The following LCOR variants were observed in gnomAD, a reference collection of about 807,000 sequenced individuals.
The protein encoded by LCOR is ligand dependent nuclear receptor corepressor.
A neutral mutation model predicts 64.4 loss-of-function variants in LCOR; 14 were observed. The observed-to-expected ratio is 0.22, with a 90% confidence interval of 0.14 to 0.34. The LOEUF (loss-of-function observed/expected upper bound fraction) is 0.34, where lower values mean the gene tolerates loss of function less well. Among genes scored for constraint, LCOR ranks in the 10% least tolerant of loss-of-function variants. The probability of loss-of-function intolerance (pLI) is 1.00; values close to 1 mark genes in which losing one functional copy is unlikely to be tolerated. For synonymous variants in LCOR, 643 were observed against 642.5 expected, an observed-to-expected ratio of 1.00 and a Z score of -0.01; for missense variants, 1,686 against 1,765.3, an observed-to-expected ratio of 0.96 and a Z score of 0.80.
intron 2 of LCOR, among the ~76,000 whole-genome samples, chr10:96,847,262 C>A (rs1270611203): frequency 1.3e-5 from 2 of 149,578 alleles, no homozygotes; most frequent in African/African-American, 4.9e-5. Context: ...AAAAGAGAAG[C>A]TAGAATTTTC....
chr10:96,884,440 T>A (rs1339677295), intron 2 of LCOR, among the ~76,000 whole-genome samples: 1 of 152,230 alleles, frequency 6.6e-6, no homozygotes, highest in Non-Finnish European at 1.5e-5. Context: ...AGCAAGACTG[T>A]CATCCTTTCT....
chr10:96,916,599 A>C lies in LCOR; in HGVS notation c.-184+8852A>C, dbSNP rs539087991. 1.4e-3 allele frequency among the ~76,000 whole-genome samples: 214 copies of C among 148,862 alleles called. 1 individual carries two copies. Among genetic ancestry groups the C allele is most frequent in the Non-Finnish European group, 2.0e-3 (137 of 67,612 alleles). On this transcript the variant is annotated intron_variant, in intron 4 of 7. Coordinates refer to ENST00000421806, the MANE Select transcript of LCOR (RefSeq NM_001346516.2). ...AGATATTTAAAGGCTATATATATAT[A>C]TATATATCTATATATATGATTATTT...
chr10:96,909,390 A>G (rs1238017374), intron 4 of LCOR, among the ~76,000 whole-genome samples: 1 of 152,118 alleles, frequency 6.6e-6, no homozygotes, highest in African/African-American at 2.4e-5. Context: ...TTTTACTCTT[A>G]AGCCCCATCG....
chr10:96,909,520 T>G (rs1354133967), intron 4 of LCOR, among the ~76,000 whole-genome samples: 1 of 152,258 alleles, frequency 6.6e-6, no homozygotes, highest in African/African-American at 2.4e-5. Context: ...TTGAATCTTT[T>G]GTTCCTTACT....
At chr10:96,947,161 T>A (rs2134519782) in intron 5 of LCOR, among the ~76,000 whole-genome samples, 1 of 152,202 alleles carries the variant, frequency 6.6e-6, no homozygotes, top group East Asian at 1.9e-4. Context: ...TAGCAACTTC[T>A]GAACCTTACC....
intron 2 of LCOR, among the ~76,000 whole-genome samples, chr10:96,864,888 A>G (rs1845946220): frequency 6.6e-6 from 1 of 152,216 alleles, no homozygotes. Flanking sequence ...TGTTCACACA[A>G]CAACACACCT....
intron 2 of LCOR, among the ~76,000 whole-genome samples, chr10:96,836,846 G>A (rs1198650614): frequency 2.0e-5 from 3 of 152,202 alleles, no homozygotes; most frequent in Non-Finnish European, 4.4e-5. Flanking sequence ...AAGGTAGGTT[G>A]TAGGATTTTC....
chr10:96,936,823 T>C (rs1230465363), intron 4 of LCOR, among the ~76,000 whole-genome samples: 1 of 151,670 alleles, frequency 6.6e-6, no homozygotes, highest in Non-Finnish European at 1.5e-5. Flanking sequence ...TACCAAACTC[T>C]ATATATACTA....
At chr10:96,890,144 C>A (rs1197360687) in intron 2 of LCOR, among the ~76,000 whole-genome samples, 1 of 151,804 alleles carries the variant, frequency 6.6e-6, no homozygotes, top group Non-Finnish European at 1.5e-5. Flanking sequence ...GCTGTGTCGC[C>A]CAAGCTGGAG....
chr10:96,863,208 T>TTG (rs1405976439), intron 2 of LCOR, among the ~76,000 whole-genome samples: 2 of 134,166 alleles, frequency 1.5e-5, no homozygotes, highest in African/African-American at 5.9e-5. Context: ...CTTTTTCTGT[T>TTG]TTTTTTTTTT....
intron 2 of LCOR, among the ~76,000 whole-genome samples, chr10:96,881,061 G>A (rs1247607526): frequency 1.3e-5 from 2 of 152,210 alleles, no homozygotes; most frequent in African/African-American, 4.8e-5. Context: ...TAAGTCTCAA[G>A]ATCTAAGGGT....
rs1010916045 is a variant in LCOR, at chr10:96,990,870, C to T, written c.*5736C>T. 6 of 152,110 alleles carry T rather than the reference C, an allele frequency of 3.9e-5. No individual in the cohort carries two copies. Among genetic ancestry groups the T allele is most frequent in the African/African-American group, 1.4e-4 (6 of 41,382 alleles). The allele number at this position is 152,110 out of a possible 1,614,324, so 9.4% of individuals were successfully genotyped here. On this transcript the variant is annotated 3_prime_UTR_variant, in exon 8 of 8. Transcript: ENST00000421806. Reference sequence around the variant, plus strand: ...GTGAGCACAGACACACATACTTTCTCCCCTAGCTGGGACCATCCCACACGG... The same window carrying T: ...GTGAGCACAGACACACATACTTTCTTCCCTAGCTGGGACCATCCCACACGG...
At chr10:96,858,913 C>T (rs1845845134) in intron 2 of LCOR, among the ~76,000 whole-genome samples, 1 of 152,124 alleles carries the variant, frequency 6.6e-6, no homozygotes, top group South Asian at 2.1e-4. Flanking sequence ...TCTACTGGCT[C>T]TCCCTGTCCT....
At chr10:96,879,058 A>G (rs1160757146) in intron 2 of LCOR, among the ~76,000 whole-genome samples, 6 of 152,092 alleles carry the variant, frequency 3.9e-5, no homozygotes, top group Non-Finnish European at 8.8e-5. Flanking sequence ...GACCTCCCAA[A>G]GTGCTGGGAT....
At position 96,907,749 on chromosome 10, in the gene LCOR, T is replaced by TAG. The variant is rs1846753890; in HGVS notation, c.-184+3_-184+4insGA. 1 of 953,678 alleles carries TAG rather than the reference T, an allele frequency of 1.0e-6. No homozygotes were observed. Among genetic ancestry groups the TAG allele is most frequent in the South Asian group, 4.8e-5 (1 of 20,642 alleles). 59.1% of individuals were successfully genotyped at this position (953,678 alleles called of 1,614,324 possible). On this transcript the variant is annotated splice_region_variant and intron_variant, in intron 4 of 7. Coordinates refer to ENST00000421806, the MANE Select transcript of LCOR (RefSeq NM_001346516.2). ...TGCTTGAGAAGAGATAAAGTAAAGG[T>TAG]AACTAAGAAGCCTGTGAAACTTTTA... is the stretch of plus-strand genomic sequence containing the variant.
chr10:96,984,688 A>G lies in LCOR; in HGVS notation c.4228A>G (p.Ser1410Gly). Residue 1410 changes from serine to glycine, a missense_variant, in exon 8 of 8, where the codon AGT becomes GGT. This residue lies in a region of LCOR where 1,293 missense variants were observed against 1,410.4 expected (regional missense o/e 0.92). Transcript: ENST00000421806. ...AACAGAAGGCAGCAGCCCTCCAGAT[A>G]GTAAGAACAAGGGGCCTACGGTGAA... ...KRTEGSSPPD[S>G]KNKGPTVKAS... The G allele has an allele frequency of 6.2e-7, 1 of 1,614,162 alleles. No homozygotes were observed. Among genetic ancestry groups the G allele is most frequent in the Non-Finnish European group, 8.5e-7 (1 of 1,180,034 alleles).
At chr10:96,914,584 A>G (rs1846905047) in intron 4 of LCOR, among the ~76,000 whole-genome samples, 1 of 152,238 alleles carries the variant, frequency 6.6e-6, no homozygotes, top group Admixed American at 6.5e-5. Context: ...TCGATAAACA[A>G]TTGTAGTATT....
chr10:96,913,797 G>T (rs1398890806), intron 4 of LCOR, among the ~76,000 whole-genome samples: 1 of 152,052 alleles, frequency 6.6e-6, no homozygotes, highest in Non-Finnish European at 1.5e-5. Flanking sequence ...GGTGGCCCAT[G>T]CCTGTAATTC....
intron 7 of LCOR, chr10:96,959,756 A>G (rs1847850874): frequency 6.6e-6 from 1 of 152,170 alleles, no homozygotes; most frequent in African/African-American, 2.4e-5. Context: ...GTTGTTCTGA[A>G]GTTTAGATGT....
Sources: allele counts gnomAD v4.1 joint callset (sites outside exome capture counted in the v4.1 genomes callset), GRCh38; gene constraint gnomAD v4.1.1; regional missense constraint gnomAD v4.1.1; transcripts MANE v1.5; gene names NCBI Gene and HGNC (gene_info 2026-07-23, HGNC 2026-07-21).